FNIP1: variants seen among roughly 807,000 people sequenced by gnomAD.
The protein encoded by FNIP1 is folliculin-interacting protein 1.
FNIP1 carries 40 observed loss-of-function variants against 124.5 expected under a neutral mutation model. The ratio of observed to expected loss-of-function variants is 0.32; its 90% CI spans 0.25 to 0.42. FNIP1 has a LOEUF of 0.42. FNIP1 is among the 10% of genes least tolerant of loss of function. The pLI is 1.00. For synonymous variants in FNIP1, 472 were observed against 470.6 expected (o/e 1.00, Z -0.04); for missense variants, 1,176 against 1,403.7 (o/e 0.84, Z 2.59).
At chr5:131,734,921 A>C (rs529621896) in intron 2 of FNIP1, among the ~76,000 whole-genome samples, 1 of 152,338 alleles carries the variant, frequency 6.6e-6, no homozygotes, top group East Asian at 1.9e-4. Flanking sequence ...GGGATCTACA[A>C]CTAGAAATAC....
At position 131,746,260 on chromosome 5, in the gene FNIP1, G is replaced by A. The variant is rs147470353; in HGVS notation, c.93-1570C>T. ...GAGCTGTTTCTCATTAGTTACAACA[G>A]GCTATTTATTTTTTATAATTTCAAC... On this transcript the variant is annotated intron_variant, in intron 1 of 17. Transcript: ENST00000510461. Among the ~76,000 whole-genome samples, 59 of 152,208 alleles carry A rather than the reference G, an allele frequency of 3.9e-4. 1 individual carries two copies. The highest frequency in any genetic ancestry group is 1.4e-3 in the African/African-American group (58 of 41,534).
chr5:131,723,342 G>A (rs555310076), intron 3 of FNIP1, among the ~76,000 whole-genome samples: 1 of 151,918 alleles, frequency 6.6e-6, no homozygotes, highest in South Asian at 2.1e-4. Flanking sequence ...TAAATACCAA[G>A]GCATTTATTT....
intron 9 of FNIP1, among the ~76,000 whole-genome samples, chr5:131,705,033 T>C (rs1481688358): frequency 6.6e-6 from 1 of 152,130 alleles, no homozygotes; most frequent in Non-Finnish European, 1.5e-5. Context: ...ACAAATCATA[T>C]ATCTGATAAG....
intron 1 of FNIP1, among the ~76,000 whole-genome samples, chr5:131,747,083 ACTGT>A (rs1431762716): frequency 6.6e-6 from 1 of 151,978 alleles, no homozygotes. Context: ...TCTTTTGAGA[ACTGT>A]CTGTTCATAT....
At chr5:131,729,436 C>CA (rs560260461) in intron 3 of FNIP1, among the ~76,000 whole-genome samples, 108 of 152,354 alleles carry the variant, frequency 7.1e-4, no homozygotes, top group Middle Eastern at 3.4e-3. Context: ...AGCTGAGCTG[C>CA]AGTGAGCTCC....
At chr5:131,660,051 G>A (rs1414894632) in intron 15 of FNIP1, among the ~76,000 whole-genome samples, 7 of 152,206 alleles carry the variant, frequency 4.6e-5, no homozygotes, top group South Asian at 2.1e-4. Flanking sequence ...ATCGTTGCCC[G>A]TGAAGCAGAC....
Position 131,767,427 on chromosome 5 carries a change from C to CA in FNIP1, c.93-22738dup, listed in dbSNP as rs139550903. Among the ~76,000 whole-genome samples the CA allele has an allele frequency of 8.5e-3, 544 of 63,924 alleles. 40 individuals carry two copies. Among genetic ancestry groups the CA allele is most frequent in the African/African-American group, 0.02 (399 of 19,788 alleles). The allele number at this position is 63,924 out of a possible 152,430, so 41.9% of individuals were successfully genotyped here. A position where few individuals can be genotyped will look rare whatever the true frequency, so the allele number is the denominator to read the frequency against. ...CTGGTGACAGAGTGAGATTCTGTCT[C>CA]AAAAAAAAAAAAAAAAAAAAAAAAA... is the stretch of plus-strand genomic sequence containing the variant. On this transcript the variant is annotated intron_variant, in intron 1 of 17. Transcript: ENST00000510461.
At chr5:131,713,339 C>T (rs1164012808) in intron 6 of FNIP1, among the ~76,000 whole-genome samples, 1 of 152,224 alleles carries the variant, frequency 6.6e-6, no homozygotes, top group Non-Finnish European at 1.5e-5. Flanking sequence ...AGCCACCGCG[C>T]CCGGCCTCGT....
chr5:131,677,554 T>C, intron 13 of FNIP1, 149 bp downstream of exon 13: 1 of 676,384 alleles, frequency 1.5e-6, no homozygotes, highest in Non-Finnish European at 2.4e-6. Flanking sequence ...ATAAGACAAA[T>C]TGGCAGACAT....
At chr5:131,721,917 T>C (rs569091081) in intron 3 of FNIP1, among the ~76,000 whole-genome samples, 34 of 152,384 alleles carry the variant, frequency 2.2e-4, no homozygotes, top group African/African-American at 7.9e-4. Flanking sequence ...ATTTGGTTAC[T>C]ATTTAGATAT....
chr5:131,711,652 G>A (rs1039331090), intron 6 of FNIP1, among the ~76,000 whole-genome samples: 4 of 152,084 alleles, frequency 2.6e-5, no homozygotes, highest in South Asian at 2.1e-4. Flanking sequence ...ATGCCACCAG[G>A]CCCAGCTAAT....
chr5:131,793,663 C>T (rs1772483667), intron 1 of FNIP1, among the ~76,000 whole-genome samples: 1 of 152,106 alleles, frequency 6.6e-6, no homozygotes, highest in African/African-American at 2.4e-5. Context: ...AAAGACAATA[C>T]AGAAAGGTTC....
At chr5:131,655,940 AAC>A (rs1767179972) in intron 15 of FNIP1, among the ~76,000 whole-genome samples, 3 of 151,132 alleles carry the variant, frequency 2.0e-5, no homozygotes, top group Admixed American at 6.6e-5. Flanking sequence ...AACAAAACAA[AAC>A]AAAAAAAAAA....
In FNIP1 at chr5:131,724,112, A is replaced by T. The variant is rs534490974; in HGVS notation, c.355-4695T>A. Among the ~76,000 whole-genome samples the T allele has an allele frequency of 2.1e-4, 32 of 152,264 alleles. No homozygotes were observed. In the South Asian group the frequency reaches 6.6e-3, roughly 32 times the overall value. ...ATTTTCTTTATCCAGTCTATCATTG[A>T]TGGACATTTGGGTTGGTTCCAAGTC... On this transcript the variant is annotated intron_variant, in intron 3 of 17. Coordinates refer to ENST00000510461, the MANE Select transcript of FNIP1 (RefSeq NM_133372.3).
At chr5:131,720,141 T>C (rs1162522459) in intron 3 of FNIP1, among the ~76,000 whole-genome samples, 1 of 152,146 alleles carries the variant, frequency 6.6e-6, no homozygotes, top group African/African-American at 2.4e-5. Flanking sequence ...GGTACTGACA[T>C]TAAGACAGAC....
chr5:131,753,469 A>G (rs1194727854), intron 1 of FNIP1, among the ~76,000 whole-genome samples: 1 of 152,240 alleles, frequency 6.6e-6, no homozygotes, highest in Non-Finnish European at 1.5e-5. Context: ...AACTCAAAAA[A>G]TACTGTTGCA....
In FNIP1 at chr5:131,647,122, A is replaced by G; in HGVS notation, c.3390T>C (p.Arg1130=). ...MLSEYLRGQM[R]VHVKELGVVL... Reference sequence around the variant, plus strand: ...CCACTCCCAGCTCCTTGACATGAACACGCATCTGCCCCCTCAGGTATTCAG... The same window carrying G: ...CCACTCCCAGCTCCTTGACATGAACGCGCATCTGCCCCCTCAGGTATTCAG... Residue 1130 remains arginine (R), a synonymous_variant, in exon 17 of 18, where the codon CGT becomes CGC. Coordinates refer to ENST00000510461, the MANE Select transcript of FNIP1 (RefSeq NM_133372.3). 1 of 1,614,116 alleles carries G rather than the reference A, an allele frequency of 6.2e-7. No homozygotes were observed. Among genetic ancestry groups the G allele is most frequent in the Non-Finnish European group, 8.5e-7 (1 of 1,180,004 alleles).
chr5:131,708,719 T>A (rs1030253130), intron 8 of FNIP1, among the ~76,000 whole-genome samples: 2 of 152,174 alleles, frequency 1.3e-5, no homozygotes, highest in African/African-American at 2.4e-5. Context: ...TGGGCTTTAA[T>A]TTTTTTAATG....
At chr5:131,657,956 G>C (rs1286999182) in intron 15 of FNIP1, among the ~76,000 whole-genome samples, 1 of 151,060 alleles carries the variant, frequency 6.6e-6, no homozygotes, top group African/African-American at 2.4e-5. Flanking sequence ...CAGGCGAATG[G>C]CATGAACCTG....
Sources: gnomAD v4.1 joint callset for allele counts (sites outside exome capture counted in the v4.1 genomes callset) on GRCh38, gnomAD v4.1.1 for gene constraint, MANE v1.5 for transcripts, NCBI Gene and HGNC (gene_info 2026-07-23, HGNC 2026-07-21) for gene names.